The following NLGN1 variants were observed in gnomAD, a reference collection of about 807,000 sequenced individuals.
NLGN1 encodes the protein neuroligin 1, also known as neuroligin-1.
NLGN1 carries 12 observed loss-of-function variants against 65.5 expected under a neutral mutation model. The observed-to-expected ratio is 0.18, with a 90% confidence interval of 0.12 to 0.30. NLGN1 has a LOEUF of 0.30. NLGN1 is among the 10% of genes least tolerant of loss of function. NLGN1 has a pLI of 1.00. For synonymous variants in NLGN1, 350 were observed against 359.5 expected, an observed-to-expected ratio of 0.97 and a Z score of 0.30; for missense variants, 750 against 1,007.1, an observed-to-expected ratio of 0.74 and a Z score of 3.46.
At chr3:173,619,095 G>T (rs576579059) in intron 3 of NLGN1, among the ~76,000 whole-genome samples, 35 of 152,144 alleles carry the variant, frequency 2.3e-4, no homozygotes, top group Admixed American at 5.9e-4. Context: ...GAATTATTTA[G>T]CCAATCTTGT....
At chr3:173,423,866 T>TTGGG (rs113505184) in intron 1 of NLGN1, among the ~76,000 whole-genome samples, 14 of 152,174 alleles carry the variant, frequency 9.2e-5, no homozygotes, top group African/African-American at 3.4e-4. Flanking sequence ...GGAGACTGTG[T>TTGGG]TGGGACTCCA....
chr3:174,120,150 A>G (rs932426168), intron 4 of NLGN1, among the ~76,000 whole-genome samples: 2 of 152,198 alleles, frequency 1.3e-5, no homozygotes, highest in Non-Finnish European at 2.9e-5. Context: ...GATGATGTGA[A>G]GCAATTTACA....
At chr3:173,563,903 C>T (rs1047013953) in intron 2 of NLGN1, among the ~76,000 whole-genome samples, 3 of 152,182 alleles carry the variant, frequency 2.0e-5, no homozygotes, top group African/African-American at 7.2e-5. Context: ...TGAATTTTTA[C>T]AAAATAAAAT....
chr3:173,429,231 G>T (rs1716744393), intron 1 of NLGN1, among the ~76,000 whole-genome samples: 1 of 151,870 alleles, frequency 6.6e-6, no homozygotes, highest in Non-Finnish European at 1.5e-5. Flanking sequence ...CAAACAGCCT[G>T]TCTTCATACT....
chr3:173,663,868 T>C lies in NLGN1; in HGVS notation c.493+58777T>C, dbSNP rs888605563. Reference sequence around the variant, plus strand: ...CTGTGAATCACTGCTACTTTTTTTTTTTTTTCCATTATGAGCAGTCTTTTT... The same window carrying C: ...CTGTGAATCACTGCTACTTTTTTTTCTTTTTCCATTATGAGCAGTCTTTTT... On this transcript the variant is annotated intron_variant, in intron 3 of 6. Transcript: ENST00000457714. 7.2e-5 allele frequency among the ~76,000 whole-genome samples: 11 copies of C among 152,048 alleles called. 1 individual carries two copies. The highest frequency in any genetic ancestry group is 2.4e-4 in the African/African-American group (10 of 41,532).
rs149829831 is a variant in NLGN1, at chr3:174,064,866, TAGTA to T, written c.647-210444_647-210441del. On this transcript the variant is annotated intron_variant, in intron 4 of 6. Coordinates refer to ENST00000457714, the Ensembl canonical transcript of NLGN1. ...TGGATATACATTATATTAATACACA[TAGTA>T]AGTACTATATATTAAGTACTATATA... Among the ~76,000 whole-genome samples, 965 of 150,642 alleles carry T rather than the reference TAGTA, an allele frequency of 6.4e-3. 5 individuals carry two copies. Among genetic ancestry groups the T allele is most frequent in the Middle Eastern group, 0.024 (4 of 170 alleles).
chr3:174,170,690 G>A (rs1728359436), intron 4 of NLGN1, among the ~76,000 whole-genome samples: 1 of 152,098 alleles, frequency 6.6e-6, no homozygotes, highest in South Asian at 2.1e-4. Flanking sequence ...TAAACATATG[G>A]CACTAGCTAA....
chr3:173,627,143 T>C (rs1006960730), intron 3 of NLGN1, among the ~76,000 whole-genome samples: 2 of 152,134 alleles, frequency 1.3e-5, no homozygotes, highest in African/African-American at 4.8e-5. Context: ...TGAGGTATAA[T>C]TGACAAACAA....
intron 4 of NLGN1, among the ~76,000 whole-genome samples, chr3:174,000,248 T>A (rs970000270): frequency 6.6e-6 from 1 of 152,142 alleles, no homozygotes; most frequent in Non-Finnish European, 1.5e-5. Context: ...CATCAGGAAT[T>A]TCTATTTATA....
chr3:173,585,422 G>T lies in NLGN1; in HGVS notation c.-320-18857G>T, dbSNP rs190148090. Among the ~76,000 whole-genome samples, 836 of 152,196 alleles carry T rather than the reference G, an allele frequency of 5.5e-3. 7 individuals are homozygous for T. Among genetic ancestry groups the T allele is most frequent in the African/African-American group, 0.019 (791 of 41,532 alleles). Reference sequence around the variant, plus strand: ...TTCGGCCGCCGTTTCTGCGGCTGTCGTGGCTTCTAGGGGGATATTTTGCAG... The same window carrying T: ...TTCGGCCGCCGTTTCTGCGGCTGTCTTGGCTTCTAGGGGGATATTTTGCAG... On this transcript the variant is annotated intron_variant, in intron 2 of 6. Transcript: ENST00000457714.
intron 3 of NLGN1, among the ~76,000 whole-genome samples, chr3:173,660,109 A>AT (rs200534743): frequency 3.3e-3 from 49 of 15,042 alleles, no homozygotes; most frequent in Middle Eastern, 0.024. Context: ...TATTCTTGCT[A>AT]TTCGTAGAGA....
intron 4 of NLGN1, among the ~76,000 whole-genome samples, chr3:174,053,755 C>G (rs1735424917): frequency 1.3e-5 from 2 of 151,812 alleles, no homozygotes; most frequent in Admixed American, 6.6e-5. Context: ...TTTTACTGTT[C>G]AATTCATCCA....
At chr3:174,185,761 C>CT (rs1360553216) in intron 4 of NLGN1, among the ~76,000 whole-genome samples, 1 of 150,610 alleles carries the variant, frequency 6.6e-6, no homozygotes, top group African/African-American at 2.4e-5. Flanking sequence ...ATGTAGTCTG[C>CT]TTTTTAAAAA....
intron 2 of NLGN1, among the ~76,000 whole-genome samples, chr3:173,464,519 T>C (rs1481139800): frequency 6.9e-6 from 1 of 144,144 alleles, no homozygotes; most frequent in East Asian, 2.0e-4. Context: ...CACTGTCACC[T>C]CTGCCTCCTG....
chr3:173,857,172 G>C (rs1279353589), intron 4 of NLGN1, among the ~76,000 whole-genome samples: 2 of 151,964 alleles, frequency 1.3e-5, no homozygotes, highest in East Asian at 3.9e-4. Flanking sequence ...TGGGGGTTGG[G>C]GTAGCATGTC....
intron 3 of NLGN1, among the ~76,000 whole-genome samples, chr3:173,710,751 T>C (rs114668448): frequency 9.1e-4 from 138 of 152,318 alleles, no homozygotes; most frequent in Non-Finnish European, 1.5e-3. Flanking sequence ...TTGGAGGCAA[T>C]GCATACTTTT....
chr3:174,035,636 C>T (rs1730964432), intron 4 of NLGN1, among the ~76,000 whole-genome samples: 1 of 152,192 alleles, frequency 6.6e-6, no homozygotes, highest in Non-Finnish European at 1.5e-5. Context: ...AATGAAGCTC[C>T]TGCCTTGGTG....
intron 4 of NLGN1, among the ~76,000 whole-genome samples, chr3:173,949,670 T>C (rs1359341897): frequency 6.6e-6 from 1 of 152,164 alleles, no homozygotes; most frequent in African/African-American, 2.4e-5. Flanking sequence ...TACTAAAAAG[T>C]ATCTGTATAA....
intron 3 of NLGN1, among the ~76,000 whole-genome samples, chr3:173,635,188 AT>A (rs1756387467): frequency 6.6e-6 from 1 of 152,110 alleles, no homozygotes; most frequent in Admixed American, 6.6e-5. Context: ...TGCTTCTTAT[AT>A]ACACATCATC....
Sources: allele counts gnomAD v4.1 joint callset (sites outside exome capture counted in the v4.1 genomes callset), GRCh38; gene constraint gnomAD v4.1.1; transcripts MANE v1.5; gene names NCBI Gene and HGNC (gene_info 2026-07-23, HGNC 2026-07-21).